The following RP1L1 variants were observed in gnomAD, a reference collection of about 807,000 sequenced individuals.
RP1L1 encodes retinitis pigmentosa 1-like 1 protein.
RP1L1 carries 27 observed loss-of-function variants against 15.7 expected under a neutral mutation model. That is an observed-to-expected ratio of 1.72 (90% CI 1.27 to 2.38). The LOEUF is 2.38. RP1L1 is among the 30% of genes most tolerant of loss of function. The pLI, the probability that RP1L1 is intolerant of heterozygous loss-of-function variation, is 0.00. For missense variants in RP1L1, 4,798 were observed against 3,075.9 expected, an observed-to-expected ratio of 1.56 and a Z score of -13.24; for synonymous variants, 1,813 against 1,276.7, an observed-to-expected ratio of 1.42 and a Z score of -8.96.
chr8:10,637,243 C>T (rs1039563794), intron 1 of RP1L1, among the ~76,000 whole-genome samples: 4 of 152,194 alleles, frequency 2.6e-5, no homozygotes, highest in African/African-American at 4.8e-5. Flanking sequence ...CCCCAACCTC[C>T]CAGGCTTGGC....
Position 10,612,542 on chromosome 8 carries a change from C to T in RP1L1, c.1556G>A (p.Gly519Asp), listed in dbSNP as rs1485245350. 2 of 1,609,624 alleles carry T rather than the reference C, an allele frequency of 1.2e-6. No individual in the cohort carries two copies. ...GAGLGGPEQG[G>D]RLTPRARSEE... ...ACTCCGGGCCCTCGGTGTCAGGCGG[C>T]CGCCTTGCTCTGGGCCGCCCAGCCC... Residue 519 changes from glycine (G) to aspartate (D), a missense_variant, in exon 4 of 4, where the codon GGC becomes GAC. Physicochemically the swap from Gly to Asp is moderately conservative, Grantham distance 94. Transcript: ENST00000382483.
intron 1 of RP1L1, among the ~76,000 whole-genome samples, chr8:10,641,858 A>G (rs951150145): frequency 6.6e-6 from 1 of 152,362 alleles, no homozygotes; most frequent in Non-Finnish European, 1.5e-5. Flanking sequence ...CACACAAAAA[A>G]TTGAACCCAA....
rs530918798 is a variant in RP1L1 at position 10,608,166 on chromosome 8, C to A, written c.5932G>T (p.Glu1978Ter). 6.2e-7 allele frequency: 1 copy of A among 1,610,600 alleles called. No individual in the cohort carries two copies. Among genetic ancestry groups the A allele is most frequent in the South Asian group, 1.1e-5 (1 of 90,922 alleles). The change falls in exon 4 of 4, where the codon GAG (glutamate) becomes TAG (stop). Residue 1978 changes from glutamate to a stop codon, truncating the protein, a stop_gained. Transcript: ENST00000382483. LOFTEE classifies it low-confidence loss of function (END_TRUNC). Reference protein sequence around the residue: ...EEAQPESEDVEALEVEVETQE... With the variant: ...EEAQPESEDV ...GTCTCCACTTCAACCTCCAGGGCCT[C>A]TACATCTTCTGACTCTGGCTGGGCT... is the stretch of plus-strand genomic sequence containing the variant.
intron 1 of RP1L1, among the ~76,000 whole-genome samples, chr8:10,631,205 AC>A (rs1798236401): frequency 1.1e-4 from 7 of 61,170 alleles, no homozygotes; most frequent in African/African-American, 2.8e-4. Flanking sequence ...CTGCAAAAAC[AC>A]ACACACACAC....
chr8:10,623,308 T>A, intron 1 of RP1L1, 88 bp from the exon 2 acceptor site: 1 of 987,952 alleles, frequency 1.0e-6, no homozygotes, highest in Non-Finnish European at 1.5e-6. Context: ...AGGTGCTTCC[T>A]GCCCACCCCA....
intron 1 of RP1L1, among the ~76,000 whole-genome samples, chr8:10,627,824 C>T (rs573459214): frequency 6.6e-6 from 1 of 152,184 alleles, no homozygotes; most frequent in East Asian, 1.9e-4. Context: ...AGGTTCTGGG[C>T]AGTAAATTCA....
At chr8:10,630,337 C>T (rs1038793389) in intron 1 of RP1L1, among the ~76,000 whole-genome samples, 2 of 152,254 alleles carry the variant, frequency 1.3e-5, no homozygotes. Context: ...ACCTCTCCAT[C>T]TAACAAGTCC....
At position 10,609,659 on chromosome 8, in the gene RP1L1, G is replaced by C. The variant is rs763913719; in HGVS notation, c.4439C>G (p.Pro1480Arg). 1.2e-6 allele frequency: 2 copies of C among 1,611,058 alleles called. No individual in the cohort carries two copies. The highest frequency in any genetic ancestry group is 1.7e-6 in the Non-Finnish European group (2 of 1,179,984). ...GSQLEPGLEK[P>R]PGATMMGQEH... ...TTGGCCCATCATGGTGGCTCCGGGC[G>C]GCTTTTCCAAACCAGGCTCAAGCTG... The change falls in exon 4 of 4, where the codon CCG becomes CGG. Residue 1480 changes from proline to arginine, a missense_variant. Transcript: ENST00000382483.
intron 2 of RP1L1, among the ~76,000 whole-genome samples, chr8:10,618,428 A>G (rs1255099167): frequency 6.6e-6 from 1 of 152,196 alleles, no homozygotes; most frequent in East Asian, 1.9e-4. Flanking sequence ...AATTGCTTCA[A>G]CCCTGGAAGC....
rs1252948352 is a variant in RP1L1 at position 10,608,542 on chromosome 8, C to T, written c.5556G>A (p.Glu1852=). The T allele has an allele frequency of 1.2e-6, 2 of 1,600,646 alleles. No individual in the cohort carries two copies. Among genetic ancestry groups the T allele is most frequent in the African/African-American group, 1.3e-5 (1 of 74,660 alleles). Reference sequence around the variant, plus strand: ...GGGCATCCCCTTCTGCCTCTGGGGCCTCTACACCTTCTGACTCTGGCTGGG... The same window carrying T: ...GGGCATCCCCTTCTGCCTCTGGGGCTTCTACACCTTCTGACTCTGGCTGGG... ...GEAQPESEGV[E]APEAEGDAQE... The change falls in exon 4 of 4, where the codon GAG becomes GAA. Residue 1852 remains glutamate, a synonymous_variant. Transcript: ENST00000382483.
In RP1L1 at chr8:10,626,601, G is replaced by C. The variant is rs116105160; in HGVS notation, c.-19-3381C>G. 2.9e-3 allele frequency among the ~76,000 whole-genome samples: 446 copies of C among 152,082 alleles called. 3 individuals carry two copies. The highest frequency in any genetic ancestry group is 9.9e-3 in the African/African-American group (411 of 41,488). On this transcript the variant is annotated intron_variant, in intron 1 of 3. Coordinates refer to ENST00000382483, the MANE Select transcript of RP1L1 (RefSeq NM_178857.6). ...ACTTGCCACAGGTCATAAGAGCACT[G>C]GTATTTTACAAACCATTTAAGAAAG...
intron 1 of RP1L1, among the ~76,000 whole-genome samples, chr8:10,632,634 G>A (rs1798269400): frequency 6.6e-6 from 1 of 152,250 alleles, no homozygotes; most frequent in South Asian, 2.1e-4. Flanking sequence ...GGGTGAGGAT[G>A]AGGCCGCTGA....
At chr8:10,631,456 G>A (rs1342554140) in intron 1 of RP1L1, among the ~76,000 whole-genome samples, 1 of 151,948 alleles carries the variant, frequency 6.6e-6, no homozygotes, top group Non-Finnish European at 1.5e-5. Flanking sequence ...CACACACTAT[G>A]GGTAGGGAGC....
Position 10,608,217 on chromosome 8 carries a change from TA to T in RP1L1, c.5880del (p.Ile1961Ter), listed in dbSNP as rs1563120443. On this transcript the variant is annotated frameshift_variant, in exon 4 of 4. Transcript: ENST00000382483. LOFTEE classifies it low-confidence loss of function (END_TRUNC). The stretch of plus-strand genomic sequence containing the variant: ...TCCTCTTCTGCCTCCTGGGACTCTA[TA>T]ACTTCTGACTCTGGCTGGGTCTGCC... ...AEGQTQPESEVIESQEAEEEA... is the reference protein window; with the variant it reads ...AEGQTQPESEXIESQEAEEEA... The T allele has an allele frequency of 6.5e-7, 1 of 1,541,740 alleles. No homozygotes were observed. The highest frequency in any genetic ancestry group is 1.8e-5 in the Admixed American group (1 of 55,014).
chr8:10,618,761 A>G (rs1798012324), intron 2 of RP1L1, among the ~76,000 whole-genome samples: 1 of 152,176 alleles, frequency 6.6e-6, no homozygotes, highest in South Asian at 2.1e-4. Context: ...TGTGTAGTGA[A>G]TGCTATGCCC....
chr8:10,627,056 G>A (rs373831578), intron 1 of RP1L1, among the ~76,000 whole-genome samples: 34 of 152,318 alleles, frequency 2.2e-4, no homozygotes, highest in African/African-American at 7.9e-4. Flanking sequence ...TGATGTGGCT[G>A]CTGTAGAAAA....
intron 1 of RP1L1, among the ~76,000 whole-genome samples, chr8:10,647,296 G>C (rs547805797): frequency 6.6e-6 from 1 of 152,242 alleles, no homozygotes; most frequent in Admixed American, 6.5e-5. Context: ...GCCTGCTATG[G>C]TTGTCGCTCT....
chr8:10,622,862 TG>T lies in RP1L1; in HGVS notation c.339del (p.Ser114ValfsTer43). 1 of 1,612,858 alleles carries T rather than the reference TG, an allele frequency of 6.2e-7. No individual in the cohort carries two copies. Among genetic ancestry groups the T allele is most frequent in the Non-Finnish European group, 8.5e-7 (1 of 1,179,252 alleles). ...LCSDKKPPKT[P>X]SGPGRPQERN... The stretch of plus-strand genomic sequence containing the variant: ...CTCTCCTGTGGCCGGCCTGGTCCAC[TG>T]GGGGTCTTGGGGGGCTTCTTATCAG... On this transcript the variant is annotated frameshift_variant, in exon 2 of 4. Transcript: ENST00000382483. LOFTEE classifies it high-confidence loss of function.
chr8:10,622,698 C>T lies in RP1L1; in HGVS notation c.504G>A (p.Val168=). Residue 168 remains valine, a synonymous_variant, in exon 2 of 4, where the codon GTG becomes GTA. Coordinates refer to ENST00000382483, the MANE Select transcript of RP1L1 (RefSeq NM_178857.6). ...TCCTAGTATTCCTGTGACTGAGAAC[C>T]ACTGTCTGCTGGAGGCGAGGGTCCA... ...KNMDPRLQQT[V]VLSHRNTRNL... is the part of the protein sequence containing the mutation. 3 of 1,614,162 alleles carry T rather than the reference C, an allele frequency of 1.9e-6. No individual in the cohort carries two copies. The highest frequency in any genetic ancestry group is 1.7e-6 in the Non-Finnish European group (2 of 1,180,032).
Sources: gnomAD v4.1 joint callset for allele counts (sites outside exome capture counted in the v4.1 genomes callset) on GRCh38, gnomAD v4.1.1 for gene constraint, MANE v1.5 for transcripts, NCBI Gene and HGNC (gene_info 2026-07-23, HGNC 2026-07-21) for gene names.